FNDC3B: variants seen among roughly 807,000 people sequenced by gnomAD.
FNDC3B encodes fibronectin type III domain containing 3B.
Under a neutral mutation model 151.5 loss-of-function variants are expected in FNDC3B, and 12 were observed. The observed-to-expected ratio is 0.08, with a 90% CI of 0.05 to 0.13. FNDC3B has a LOEUF of 0.13. Among genes scored for constraint, FNDC3B ranks in the 10% least tolerant of loss-of-function variants. The probability of loss-of-function intolerance (pLI) is 1.00; values close to 1 mark genes in which losing one functional copy is unlikely to be tolerated. For synonymous variants in FNDC3B, 528 were observed against 549.0 expected (o/e 0.96, Z 0.54); for missense variants, 1,214 against 1,505.3 (o/e 0.81, Z 3.20).
intron 6 of FNDC3B, 61 bp from the exon 7 acceptor site, chr3:172,285,865 C>G: frequency 3.8e-6 from 5 of 1,319,910 alleles, no homozygotes; most frequent in Middle Eastern, 3.6e-4. Context: ...GGGGAAGGAA[C>G]TTGACAACCT....
chr3:172,130,676 C>A (rs560931941), intron 2 of FNDC3B, among the ~76,000 whole-genome samples: 1 of 152,290 alleles, frequency 6.6e-6, no homozygotes, highest in South Asian at 2.1e-4. Context: ...CCGGACATGT[C>A]CCAATTCAGA....
chr3:172,178,577 G>A (rs552287006), intron 3 of FNDC3B, among the ~76,000 whole-genome samples: 1 of 152,258 alleles, frequency 6.6e-6, no homozygotes, highest in East Asian at 1.9e-4. Context: ...TTGGTTTAGG[G>A]CTGTAGCTAT....
At chr3:172,356,979 G>A (rs1201674342) in intron 22 of FNDC3B, among the ~76,000 whole-genome samples, 2 of 152,072 alleles carry the variant, frequency 1.3e-5, no homozygotes, top group South Asian at 2.1e-4. Context: ...GGTTTGTTTC[G>A]AAAGTCATTC....
chr3:172,073,916 G>C (rs112288264), intron 1 of FNDC3B, among the ~76,000 whole-genome samples: 1 of 151,414 alleles, frequency 6.6e-6, no homozygotes, highest in Non-Finnish European at 1.5e-5. Flanking sequence ...TTTCTCCCCT[G>C]ATCCCTTCCC....
chr3:172,239,357 T>TTC (rs1727346641), intron 4 of FNDC3B, among the ~76,000 whole-genome samples: 1 of 152,206 alleles, frequency 6.6e-6, no homozygotes, highest in Admixed American at 6.5e-5. Context: ...CTGAGACATC[T>TTC]TCTCTTCCTG....
intron 3 of FNDC3B, among the ~76,000 whole-genome samples, chr3:172,139,909 C>T (rs770872040): frequency 3.3e-5 from 5 of 152,134 alleles, no homozygotes; most frequent in Non-Finnish European, 5.9e-5. Context: ...GATCTTCCCA[C>T]CTTGGCCTCC....
intron 6 of FNDC3B, among the ~76,000 whole-genome samples, chr3:172,254,806 G>A (rs997977517): frequency 2.0e-5 from 3 of 152,170 alleles, no homozygotes; most frequent in Admixed American, 6.5e-5. Context: ...TGTGATGTGA[G>A]CCGAGAACAG....
intron 3 of FNDC3B, among the ~76,000 whole-genome samples, chr3:172,183,487 G>GGTT: frequency 6.6e-6 from 1 of 152,184 alleles, no homozygotes; most frequent in Middle Eastern, 3.4e-3. Context: ...ACCCATTTCT[G>GGTT]GTTGTTGTTG....
At chr3:172,169,543 A>G (rs941696197) in intron 3 of FNDC3B, among the ~76,000 whole-genome samples, 1 of 152,270 alleles carries the variant, frequency 6.6e-6, no homozygotes, top group African/African-American at 2.4e-5. Flanking sequence ...GAGATGAGTC[A>G]GACTTCCTGG....
At chr3:172,092,077 T>C (rs985961257) in intron 1 of FNDC3B, among the ~76,000 whole-genome samples, 13 of 152,194 alleles carry the variant, frequency 8.5e-5, no homozygotes, top group African/African-American at 3.1e-4. Flanking sequence ...AAGCCATCAT[T>C]ACTGATAGAA....
intron 25 of FNDC3B, among the ~76,000 whole-genome samples, chr3:172,383,931 T>G (rs1033874137): frequency 3.3e-5 from 5 of 152,170 alleles, no homozygotes; most frequent in African/African-American, 1.2e-4. Context: ...GTCAGCACTT[T>G]TAATAGGAGC....
chr3:172,344,717 C>T lies in FNDC3B; in HGVS notation c.2250+459C>T, dbSNP rs938511374. Among the ~76,000 whole-genome samples the T allele has an allele frequency of 2.6e-5, 4 of 152,136 alleles. No individual in the cohort carries two copies. The East Asian group carries it at 5.8e-4, about 22-fold the overall frequency. On this transcript the variant is annotated intron_variant, in intron 19 of 25. Coordinates refer to ENST00000415807, the MANE Select transcript of FNDC3B (RefSeq NM_022763.4). ...ACCAGCTTGTTTTTGTTTTGTTTCA[C>T]GTGAAAACTACAGGACTCTCTCCTT... is the stretch of plus-strand genomic sequence containing the variant.
rs578197293 is a variant in FNDC3B at position 172,391,712 on chromosome 3, C to T, written c.3304-5452C>T. Among the ~76,000 whole-genome samples, 5 of 152,268 alleles carry T rather than the reference C, an allele frequency of 3.3e-5. No homozygotes were observed. The South Asian group carries it at 1.0e-3, about 32-fold the overall frequency. On this transcript the variant is annotated intron_variant, in intron 25 of 25. Transcript: ENST00000415807. ...CATCCCAACATTAACTTATCGCCACCATAGAGTGTCAGAATAAATAGTATA... is the reference window on the plus strand; with the variant it reads ...CATCCCAACATTAACTTATCGCCACTATAGAGTGTCAGAATAAATAGTATA...
At chr3:172,203,025 G>A (rs1725237343) in intron 3 of FNDC3B, among the ~76,000 whole-genome samples, 1 of 152,298 alleles carries the variant, frequency 6.6e-6, no homozygotes, top group Non-Finnish European at 1.5e-5. Context: ...TGGGCTGGCA[G>A]TAGTTTTCCT....
Position 172,378,252 on chromosome 3 carries a change from T to A in FNDC3B, c.3009-18T>A. On this transcript the variant is annotated intron_variant, in intron 23 of 25. Transcript: ENST00000415807. ...AGTAGACGTTCAGATGGCTAATTGA[T>A]TCTGCTCCTTCTTCTAGGTTTATTT... 1 of 1,563,210 alleles carries A rather than the reference T, an allele frequency of 6.4e-7. No homozygotes were observed. The highest frequency in any genetic ancestry group is 8.6e-7 in the Non-Finnish European group (1 of 1,158,568).
intron 4 of FNDC3B, among the ~76,000 whole-genome samples, chr3:172,241,050 C>T (rs1274369467): frequency 6.6e-6 from 1 of 152,152 alleles, no homozygotes; most frequent in Non-Finnish European, 1.5e-5. Flanking sequence ...ATCAGCCTGG[C>T]TTCTATTAGC....
intron 1 of FNDC3B, among the ~76,000 whole-genome samples, chr3:172,089,435 T>TGG (rs1718701947): frequency 2.0e-5 from 3 of 152,106 alleles, no homozygotes; most frequent in Admixed American, 6.6e-5. Context: ...GGCACAGCTG[T>TGG]CCGCAGAGGT....
intron 3 of FNDC3B, among the ~76,000 whole-genome samples, chr3:172,209,698 C>T (rs977054994): frequency 3.9e-5 from 6 of 152,228 alleles, no homozygotes; most frequent in Admixed American, 6.5e-5. Flanking sequence ...GGCTTCAGGC[C>T]CTCCCTGGCT....
At chr3:172,180,283 C>T (rs1473013445) in intron 3 of FNDC3B, among the ~76,000 whole-genome samples, 1 of 152,158 alleles carries the variant, frequency 6.6e-6, no homozygotes, top group Non-Finnish European at 1.5e-5. Context: ...GGGCCCCTTG[C>T]AGACCTGTTG....
Sources: gnomAD v4.1 joint callset for allele counts (sites outside exome capture counted in the v4.1 genomes callset) on GRCh38, gnomAD v4.1.1 for gene constraint, MANE v1.5 for transcripts, NCBI Gene and HGNC (gene_info 2026-07-23, HGNC 2026-07-21) for gene names.